TBX5: variants seen among roughly 807,000 people sequenced by gnomAD.
TBX5 encodes the protein T-box transcription factor 5.
In TBX5, 8 loss-of-function variants were observed where a neutral mutation model predicts 51.1. The ratio of observed to expected loss-of-function variants is 0.16; its 90% CI spans 0.09 to 0.28. The LOEUF (loss-of-function observed/expected upper bound fraction) is 0.28, where lower values mean the gene tolerates loss of function less well. TBX5 is among the 10% of genes least tolerant of loss of function. The pLI is 1.00. For synonymous variants in TBX5, 302 were observed against 266.4 expected, an observed-to-expected ratio of 1.13 and a Z score of -1.30; for missense variants, 589 against 671.7, an observed-to-expected ratio of 0.88 and a Z score of 1.36.
intron 8 of TBX5, among the ~76,000 whole-genome samples, chr12:114,357,517 C>A (rs1344551723): frequency 6.6e-6 from 1 of 152,162 alleles, no homozygotes; most frequent in Non-Finnish European, 1.5e-5. Flanking sequence ...ATCATCATCT[C>A]TGAATCAAAG....
At chr12:114,401,732 C>G in intron 3 of TBX5, 94 bp downstream of exon 3, 3 of 1,141,120 alleles carry the variant, frequency 2.6e-6, no homozygotes, top group Non-Finnish European at 4.0e-6. Context: ...CCTTTTGCCC[C>G]TTTCCTTCCT....
intron 1 of TBX5, 156 bp from the exon 2 acceptor site, chr12:114,404,092 G>C: frequency 1.4e-6 from 1 of 692,930 alleles, no homozygotes; most frequent in Middle Eastern, 4.0e-4. Context: ...GACTGCAGAA[G>C]GCCCTAGAAT....
rs1413931300 is a variant in TBX5 at position 114,355,934 on chromosome 12, G to A, written c.1155C>T (p.Pro385=). 2 of 1,613,858 alleles carry A rather than the reference G, an allele frequency of 1.2e-6. No individual in the cohort carries two copies. Among genetic ancestry groups the A allele is most frequent in the Admixed American group, 3.3e-5 (2 of 60,030 alleles). The part of the protein sequence containing the change: ...RQACMYASSA[P]PSEPVPSLED... ...CTAGGCTGGGCACAGGCTCGCTGGGGGGCGCAGAGCTGGCATACATGCAAG... is the reference window on the plus strand; with the variant it reads ...CTAGGCTGGGCACAGGCTCGCTGGGAGGCGCAGAGCTGGCATACATGCAAG... Residue 385 remains proline, a synonymous_variant, in exon 9 of 9, where the codon CCC becomes CCT. Coordinates refer to ENST00000405440, the MANE Select transcript of TBX5 (RefSeq NM_181486.4).
At chr12:114,372,167 T>TA (rs1346330576) in intron 7 of TBX5, among the ~76,000 whole-genome samples, 1 of 152,164 alleles carries the variant, frequency 6.6e-6, no homozygotes, top group Non-Finnish European at 1.5e-5. Context: ...AAGTGATACT[T>TA]ACACTAAAAG....
At chr12:114,406,413 G>C (rs1444507649), upstream of TBX5, among the ~76,000 whole-genome samples, 3 of 152,040 alleles carry the variant, frequency 2.0e-5, no homozygotes, top group African/African-American at 7.3e-5. Context: ...GCTTCTAATC[G>C]GGAAGTAATC....
At chr12:114,380,640 C>T (rs1046418226) in intron 7 of TBX5, among the ~76,000 whole-genome samples, 2 of 142,314 alleles carry the variant, frequency 1.4e-5, no homozygotes, top group Non-Finnish European at 1.6e-5. Context: ...GAGTTTGAAA[C>T]CAACCTGGGC....
intron 7 of TBX5, among the ~76,000 whole-genome samples, chr12:114,372,080 CA>C (rs1181328653): frequency 2.6e-5 from 4 of 152,098 alleles, no homozygotes. Context: ...CATGGAATAA[CA>C]GACATTGGAG....
chr12:114,406,065 CCTCT>C lies in TBX5; in HGVS notation c.-480_-477del, dbSNP rs372595886. ...GAGTCAGTCTCTCTCACTCTCTCTCCCTCTCTCTCTCTCTCTGAAATACAAGCCA... is the reference window on the plus strand; with the variant it reads ...GAGTCAGTCTCTCTCACTCTCTCTCCCTCTCTCTCTCTGAAATACAAGCCA... On this transcript the variant is annotated 5_prime_UTR_variant, in exon 1 of 9. Coordinates refer to ENST00000405440, the MANE Select transcript of TBX5 (RefSeq NM_181486.4). The C allele has an allele frequency of 6.0e-5, 57 of 952,162 alleles. No individual in the cohort carries two copies. Among genetic ancestry groups the C allele is most frequent in the Admixed American group, 5.0e-4 (8 of 15,946 alleles). The allele number at this position is 952,162 out of a possible 1,614,324, so 59.0% of individuals were successfully genotyped here.
At chr12:114,393,649 A>T (rs1475074682) in intron 6 of TBX5, among the ~76,000 whole-genome samples, 1 of 152,138 alleles carries the variant, frequency 6.6e-6, no homozygotes, top group Non-Finnish European at 1.5e-5. Flanking sequence ...GCCTGCTCCA[A>T]AGTCATTGTC....
upstream of TBX5, chr12:114,407,841 G>A (rs756068967): frequency 2.0e-6 from 2 of 985,318 alleles, no homozygotes; most frequent in Non-Finnish European, 2.4e-6. Flanking sequence ...CTTCTTTGGA[G>A]CGCAAAAGCC....
intron 7 of TBX5, among the ~76,000 whole-genome samples, chr12:114,379,724 T>C (rs2555029): frequency 0.62 from 93,601 of 152,120 alleles, 29,059 homozygotes; most frequent in Admixed American, 0.73. Context: ...CCCCAGCTCC[T>C]GGGCCTGTTT....
chr12:114,387,467 T>C (rs907323626), intron 6 of TBX5, among the ~76,000 whole-genome samples: 1 of 152,160 alleles, frequency 6.6e-6, no homozygotes, highest in African/African-American at 2.4e-5. Context: ...AAAGCAAAAC[T>C]ACGGAGTCAG....
intron 8 of TBX5, among the ~76,000 whole-genome samples, chr12:114,363,076 G>A (rs1269117325): frequency 6.6e-6 from 1 of 152,332 alleles, no homozygotes; most frequent in African/African-American, 2.4e-5. Flanking sequence ...TTGAGCACTT[G>A]TAGGTGCCAG....
chr12:114,366,254 G>A lies in TBX5; in HGVS notation c.893C>T (p.Ser298Phe). 1 of 1,614,096 alleles carries A rather than the reference G, an allele frequency of 6.2e-7. No homozygotes were observed. Among genetic ancestry groups the A allele is most frequent in the Non-Finnish European group, 8.5e-7 (1 of 1,180,010 alleles). The change falls in exon 8 of 9, where the codon TCC becomes TTC. Residue 298 changes from serine to phenylalanine, a missense_variant. Coordinates refer to ENST00000405440, the MANE Select transcript of TBX5 (RefSeq NM_181486.4). ...AGGCAGGAGGTCCTGGGAGGGGCCG[G>A]AAACACCATTCTCACACTGGTATTG... ...GSQYQCENGV[S>F]GPSQDLLPPP...
At chr12:114,382,565 G>T (rs1017926912) in intron 7 of TBX5, among the ~76,000 whole-genome samples, 1 of 151,968 alleles carries the variant, frequency 6.6e-6, no homozygotes, top group Non-Finnish European at 1.5e-5. Context: ...TTGGGAGGCC[G>T]AGGCGGGTGG....
Position 114,406,062 on chromosome 12 carries a change from C to G in TBX5, c.-473G>C, listed in dbSNP as rs1033284513. ...TAAGAGTCAGTCTCTCTCACTCTCT[C>G]TCCCTCTCTCTCTCTCTCTGAAATA... On this transcript the variant is annotated 5_prime_UTR_variant, in exon 1 of 9. Transcript: ENST00000405440. The G allele has an allele frequency of 1.0e-6, 1 of 977,242 alleles. No individual in the cohort carries two copies. Among genetic ancestry groups the G allele is most frequent in the Non-Finnish European group, 1.2e-6 (1 of 826,270 alleles). The allele number at this position is 977,242 out of a possible 1,614,324, so 60.5% of individuals were successfully genotyped here.
At chr12:114,403,622 A>G in intron 2 of TBX5, 130 bp downstream of exon 2, 2 of 1,361,952 alleles carry the variant, frequency 1.5e-6, no homozygotes, top group Middle Eastern at 1.9e-4. Flanking sequence ...AGGGATGATT[A>G]TAGTCGTTGG....
intron 8 of TBX5, among the ~76,000 whole-genome samples, chr12:114,363,139 G>A (rs548282125): frequency 9.2e-5 from 14 of 152,266 alleles, no homozygotes; most frequent in African/African-American, 2.4e-4. Context: ...CATCACAACC[G>A]TATCAAGCAG....
chr12:114,399,425 A>G, intron 4 of TBX5, 88 bp downstream of exon 4: 1 of 1,601,624 alleles, frequency 6.2e-7, no homozygotes, highest in Non-Finnish European at 8.5e-7. Flanking sequence ...AAAAAAAAAA[A>G]AAAAGTTCAC....
Sources: gnomAD v4.1 joint callset for allele counts (sites outside exome capture counted in the v4.1 genomes callset) on GRCh38, gnomAD v4.1.1 for gene constraint, MANE v1.5 for transcripts, NCBI Gene and HGNC (gene_info 2026-07-23, HGNC 2026-07-21) for gene names.